RNF217: variants seen among roughly 807,000 people sequenced by gnomAD.
RNF217 encodes ring finger protein 217.
RNF217 carries 31 observed loss-of-function variants against 57.8 expected under a neutral mutation model. That is an observed-to-expected ratio of 0.54 (90% CI 0.40 to 0.72). The LOEUF (loss-of-function observed/expected upper bound fraction) is 0.72. Ranked by LOEUF, RNF217 falls within the 30% of genes least tolerant of loss-of-function variation. RNF217 has a pLI of 0.00. For missense variants in RNF217, 696 were observed against 708.3 expected (o/e 0.98, Z 0.20); for synonymous variants, 313 against 294.0 (o/e 1.06, Z -0.66).
intron 3 of RNF217, among the ~76,000 whole-genome samples, chr6:125,065,284 C>CT (rs1787896179): frequency 8.1e-6 from 1 of 123,498 alleles, no homozygotes; most frequent in South Asian, 2.5e-4. Context: ...GAGTGAGACT[C>CT]TGTCTCAAAA....
chr6:125,082,478 A>G lies in RNF217; in HGVS notation c.1556-386A>G, dbSNP rs115881393. Reference sequence around the variant, plus strand: ...GGAAATTAAGACTTACTGGAACCTCATAAGTGGTAGAACCAGGAATCAAAC... The same window carrying G: ...GGAAATTAAGACTTACTGGAACCTCGTAAGTGGTAGAACCAGGAATCAAAC... On this transcript the variant is annotated intron_variant, in intron 5 of 5. Coordinates refer to ENST00000521654, the MANE Select transcript of RNF217 (RefSeq NM_001286398.3). The G allele has an allele frequency of 4.4e-4, 712 of 1,612,302 alleles. 2 individuals are homozygous for G. The African/African-American group carries it at 7.1e-3, about 16-fold the overall frequency.
chr6:125,062,003 G>A (rs1315471344), intron 3 of RNF217, among the ~76,000 whole-genome samples: 2 of 151,702 alleles, frequency 1.3e-5, no homozygotes, highest in Non-Finnish European at 2.9e-5. Flanking sequence ...CTCATCAATT[G>A]ATTTGTAATT....
chr6:125,045,156 G>T, intron 1 of RNF217, 55 bp from the exon 2 acceptor site: 10 of 1,123,816 alleles, frequency 8.9e-6, no homozygotes, highest in Non-Finnish European at 1.2e-5. Context: ...AAAAAAAAAT[G>T]AAAGAAAATA....
intron 3 of RNF217, among the ~76,000 whole-genome samples, chr6:125,070,362 T>C (rs1788090122): frequency 6.6e-6 from 1 of 152,216 alleles, no homozygotes; most frequent in East Asian, 1.9e-4. Flanking sequence ...TCCTTTTGGA[T>C]AGATATTCAG....
At chr6:124,978,983 G>A (rs1011050434) in intron 1 of RNF217, among the ~76,000 whole-genome samples, 37 of 152,288 alleles carry the variant, frequency 2.4e-4, no homozygotes, top group African/African-American at 8.7e-4. Flanking sequence ...TGGTCCATGG[G>A]TGGTCTTTGG....
chr6:125,020,734 A>G lies in RNF217; in HGVS notation c.883-24477A>G, dbSNP rs145794591. Among the ~76,000 whole-genome samples, 894 of 152,280 alleles carry G rather than the reference A, an allele frequency of 5.9e-3. 4 individuals are homozygous for G. The highest frequency in any genetic ancestry group is 0.012 in the African/African-American group (504 of 41,550). On this transcript the variant is annotated intron_variant, in intron 1 of 5. Transcript: ENST00000521654. The stretch of plus-strand genomic sequence containing the variant: ...ATTATATAATCTCCATGAATACTGT[A>G]TACTATGTATGGACTATTACAGATC...
Position 125,070,507 on chromosome 6 carries a change from A to G in RNF217, c.1282-6150A>G, listed in dbSNP as rs532405725. On this transcript the variant is annotated intron_variant, in intron 3 of 5. Transcript: ENST00000521654. ...TTTCACCACATTCACACCAACATCT[A>G]TTGTTTTTTGACTTTTTAATTATGG... Among the ~76,000 whole-genome samples the G allele has an allele frequency of 9.9e-5, 15 of 152,234 alleles. No homozygotes were observed. The South Asian group carries it at 2.7e-3, about 27-fold the overall frequency.
At chr6:124,969,182 A>G (rs1783667417) in intron 1 of RNF217, among the ~76,000 whole-genome samples, 1 of 152,194 alleles carries the variant, frequency 6.6e-6, no homozygotes, top group Admixed American at 6.5e-5. Context: ...CAAAGTTATA[A>G]ATCTATTACT....
At chr6:124,968,297 G>C (rs1336283508) in intron 1 of RNF217, among the ~76,000 whole-genome samples, 1 of 151,976 alleles carries the variant, frequency 6.6e-6, no homozygotes, top group Non-Finnish European at 1.5e-5. Flanking sequence ...TGGGAATTAA[G>C]GCATATTTAA....
At chr6:125,021,022 T>A (rs755029109) in intron 1 of RNF217, among the ~76,000 whole-genome samples, 5 of 152,174 alleles carry the variant, frequency 3.3e-5, no homozygotes, top group Non-Finnish European at 5.9e-5. Context: ...TAGAAAGCAG[T>A]TTGGCAATAT....
At chr6:125,007,538 C>T (rs1562464891) in intron 1 of RNF217, among the ~76,000 whole-genome samples, 1 of 152,148 alleles carries the variant, frequency 6.6e-6, no homozygotes, top group Non-Finnish European at 1.5e-5. Context: ...TGAGCCACTG[C>T]TCCTGGCTGA....
chr6:124,989,144 A>T (rs1784461051), intron 1 of RNF217, among the ~76,000 whole-genome samples: 1 of 151,918 alleles, frequency 6.6e-6, no homozygotes, highest in Non-Finnish European at 1.5e-5. Flanking sequence ...GTTCTGTGTG[A>T]TGGAATTTTT....
intron 3 of RNF217, among the ~76,000 whole-genome samples, chr6:125,076,422 A>G (rs1167464730): frequency 6.6e-6 from 1 of 152,170 alleles, no homozygotes; most frequent in Non-Finnish European, 1.5e-5. Context: ...ATATTGGTCA[A>G]GATAAGCCAA....
At chr6:125,029,714 G>C (rs1786267425) in intron 1 of RNF217, among the ~76,000 whole-genome samples, 1 of 152,082 alleles carries the variant, frequency 6.6e-6, no homozygotes, top group African/African-American at 2.4e-5. Flanking sequence ...ATTACCTCCA[G>C]GTTTGCAGTT....
At chr6:125,075,886 G>A (rs371442306) in intron 3 of RNF217, among the ~76,000 whole-genome samples, 6 of 151,762 alleles carry the variant, frequency 4.0e-5, no homozygotes, top group African/African-American at 1.2e-4. Flanking sequence ...TGCTTGAGGC[G>A]GTGACTACCA....
chr6:125,004,145 T>C (rs1785086462), intron 1 of RNF217, among the ~76,000 whole-genome samples: 2 of 152,200 alleles, frequency 1.3e-5, no homozygotes, highest in African/African-American at 4.8e-5. Context: ...AAGGAAATAT[T>C]AGACAAATGT....
intron 3 of RNF217, among the ~76,000 whole-genome samples, chr6:125,060,703 C>T (rs1019712181): frequency 6.6e-6 from 1 of 152,076 alleles, no homozygotes; most frequent in Admixed American, 6.6e-5. Context: ...CCTCAGCCTC[C>T]CAAAGTGCTG....
At chr6:125,074,873 G>A (rs1788305553) in intron 3 of RNF217, among the ~76,000 whole-genome samples, 1 of 152,136 alleles carries the variant, frequency 6.6e-6, no homozygotes, top group South Asian at 2.1e-4. Flanking sequence ...CTTGTTAATT[G>A]TAAAACTCCC....
chr6:125,088,888 TACA>T lies in RNF217; in HGVS notation c.*5955_*5957del, dbSNP rs1219698702. The T allele has an allele frequency of 6.6e-6, 1 of 152,610 alleles. No individual in the cohort carries two copies. Among genetic ancestry groups the T allele is most frequent in the Admixed American group, 6.5e-5 (1 of 15,268 alleles). The allele number at this position is 152,610 out of a possible 1,614,324, so 9.5% of individuals were successfully genotyped here. On this transcript the variant is annotated 3_prime_UTR_variant, in exon 6 of 6. Coordinates refer to ENST00000521654, the MANE Select transcript of RNF217 (RefSeq NM_001286398.3). The stretch of plus-strand genomic sequence containing the variant: ...TCCTTGTGAAATGATACCCACATAC[TACA>T]ACATCAAGCTCCTTTTTCTCTTAAA...
Sources: allele counts gnomAD v4.1 joint callset (sites outside exome capture counted in the v4.1 genomes callset), GRCh38; gene constraint gnomAD v4.1.1; transcripts MANE v1.5; gene names NCBI Gene and HGNC (gene_info 2026-07-23, HGNC 2026-07-21).